The following AKAIN1 variants were observed in gnomAD, a reference collection of about 807,000 sequenced individuals.
The protein encoded by AKAIN1 is A-kinase anchor inhibitor 1.
AKAIN1 carries 3 observed loss-of-function variants against 3.7 expected under a neutral mutation model. That is an observed-to-expected ratio of 0.82 (90% confidence interval 0.37 to 2.12). The LOEUF is 2.12. Ranked by LOEUF, AKAIN1 falls within the 30% of genes most tolerant of loss-of-function variation. The probability of loss-of-function intolerance (pLI) is 0.06; values close to 1 mark genes in which losing one functional copy is unlikely to be tolerated. For synonymous variants in AKAIN1, 31 were observed against 30.8 expected (o/e 1.01, Z -0.02); for missense variants, 82 against 82.7 (o/e 0.99, Z 0.03).
chr18:5,174,655 C>T (rs891438430), intron 1 of AKAIN1, among the ~76,000 whole-genome samples: 1 of 152,020 alleles, frequency 6.6e-6, no homozygotes, highest in South Asian at 2.1e-4. Flanking sequence ...GCACGAGAAT[C>T]GCTTAAAGCC....
intron 1 of AKAIN1, among the ~76,000 whole-genome samples, chr18:5,180,647 C>T (rs766874208): frequency 6.6e-6 from 1 of 152,102 alleles, no homozygotes; most frequent in Non-Finnish European, 1.5e-5. Flanking sequence ...AAGCATGAGT[C>T]GGATTGCAAT....
chr18:5,149,308 C>T (rs1231584491), intron 1 of AKAIN1, among the ~76,000 whole-genome samples: 2 of 152,124 alleles, frequency 1.3e-5, no homozygotes, highest in Non-Finnish European at 2.9e-5. Context: ...AAAAGCTGCA[C>T]AAAGCACACA....
At chr18:5,189,014 A>G (rs1465876848) in intron 1 of AKAIN1, among the ~76,000 whole-genome samples, 1 of 152,188 alleles carries the variant, frequency 6.6e-6, no homozygotes, top group Non-Finnish European at 1.5e-5. Context: ...AGCTTCATGT[A>G]GATGCCACCA....
rs2071032691 is a variant in AKAIN1, at chr18:5,143,579, A to G, written c.*1983T>C. Among the ~76,000 whole-genome samples the G allele has an allele frequency of 6.6e-6, 1 of 152,210 alleles. No individual in the cohort carries two copies. The highest frequency in any genetic ancestry group is 2.1e-4 in the South Asian group (1 of 4,830). ...AGCACTTCCCCTGGTCATGATATCT[A>G]GGGGTTTGAAAATAGCCTTGGAAGT... On this transcript the variant is annotated 3_prime_UTR_variant, in exon 2 of 2. Transcript: ENST00000434239.
chr18:5,156,631 A>G (rs1046454364), intron 1 of AKAIN1, among the ~76,000 whole-genome samples: 3 of 152,264 alleles, frequency 2.0e-5, no homozygotes, highest in Non-Finnish European at 4.4e-5. Flanking sequence ...TAATGCTTTT[A>G]GATGATTAAT....
chr18:5,190,035 G>A (rs2071310361), intron 1 of AKAIN1, among the ~76,000 whole-genome samples: 1 of 152,140 alleles, frequency 6.6e-6, no homozygotes, highest in African/African-American at 2.4e-5. Context: ...ATGCCAGGAA[G>A]TCCAAGAGTA....
chr18:5,149,939 C>G (rs2071071140), intron 1 of AKAIN1, among the ~76,000 whole-genome samples: 1 of 152,178 alleles, frequency 6.6e-6, no homozygotes, highest in Admixed American at 6.5e-5. Flanking sequence ...CTCAGACTCC[C>G]AAGTACCTGG....
At chr18:5,146,268 C>T (rs981125857) in intron 1 of AKAIN1, among the ~76,000 whole-genome samples, 1 of 152,098 alleles carries the variant, frequency 6.6e-6, no homozygotes, top group African/African-American at 2.4e-5. Context: ...AGACATTAAA[C>T]GCCTTCAGGT....
At chr18:5,196,577 C>A (rs1453786958) in intron 1 of AKAIN1, among the ~76,000 whole-genome samples, 1 of 152,246 alleles carries the variant, frequency 6.6e-6, no homozygotes, top group Non-Finnish European at 1.5e-5. Context: ...TCGCCCACTT[C>A]GCCTCCTTCT....
rs138717602 is a variant in AKAIN1, at chr18:5,145,755, C to G, written c.17G>C (p.Gly6Ala). The change falls in exon 2 of 2, where the codon GGT becomes GCT. Residue 6 changes from glycine (G) to alanine (A), a missense_variant and splice_region_variant. Transcript: ENST00000434239. ...TTCAGGCTCATTTCCAGGTTTCTCA[C>G]CTAGCCAAAAACATGAAAAGGAGGG... MVFAPGEKPGNEPEEV... is the reference protein window; with the variant it reads MVFAPAEKPGNEPEEV... 2 of 1,547,818 alleles carry G rather than the reference C, an allele frequency of 1.3e-6. No homozygotes were observed. Among genetic ancestry groups the G allele is most frequent in the African/African-American group, 2.7e-5 (2 of 73,042 alleles).
At chr18:5,159,189 G>C (rs2071125260) in intron 1 of AKAIN1, 1 of 151,036 alleles carries the variant, frequency 6.6e-6, no homozygotes, top group African/African-American at 2.4e-5. Flanking sequence ...TTTTTTTCCA[G>C]TGATATTTCA....
intron 1 of AKAIN1, among the ~76,000 whole-genome samples, chr18:5,166,152 A>C (rs990202753): frequency 3.3e-5 from 5 of 152,010 alleles, no homozygotes; most frequent in Non-Finnish European, 5.9e-5. Context: ...AGGTCTCCCA[A>C]ATTACATGTA....
rs749801798 is a variant in AKAIN1 at position 5,186,469 on chromosome 18, T to C, written c.16+10569A>G. Among the ~76,000 whole-genome samples, 2 of 152,048 alleles carry C rather than the reference T, an allele frequency of 1.3e-5. 1 individual carries two copies. Among genetic ancestry groups the C allele is most frequent in the African/African-American group, 4.8e-5 (2 of 41,404 alleles). On this transcript the variant is annotated intron_variant, in intron 1 of 1. Coordinates refer to ENST00000434239, the MANE Select transcript of AKAIN1 (RefSeq NM_001145194.2). ...AGAGGGACACTCTCTAACAATAAAA[T>C]GGCCAATTCACCAAGAAGACATAAC...
At chr18:5,156,159 G>T (rs2071106938) in intron 1 of AKAIN1, among the ~76,000 whole-genome samples, 1 of 152,112 alleles carries the variant, frequency 6.6e-6, no homozygotes, top group Non-Finnish European at 1.5e-5. Context: ...CAGTTCCCGG[G>T]CATGGTGAGG....
chr18:5,176,735 G>C (rs180831899), intron 1 of AKAIN1, among the ~76,000 whole-genome samples: 1 of 152,152 alleles, frequency 6.6e-6, no homozygotes, highest in Admixed American at 6.6e-5. Flanking sequence ...AAAAACTGTA[G>C]GTGTTTCTCA....
chr18:5,169,653 T>C (rs2071186433), intron 1 of AKAIN1, among the ~76,000 whole-genome samples: 1 of 152,150 alleles, frequency 6.6e-6, no homozygotes, highest in South Asian at 2.1e-4. Context: ...GCAGCCTCAG[T>C]CTCCTCTGAG....
intron 1 of AKAIN1, among the ~76,000 whole-genome samples, chr18:5,171,190 ACAAAGAAAGTCC>A (rs1416186949): frequency 1.3e-5 from 2 of 152,188 alleles, no homozygotes; most frequent in African/African-American, 2.4e-5. Flanking sequence ...GGAAACTGAG[ACAAAGAAAGTCC>A]ACAGGCTGAA....
chr18:5,163,720 A>C (rs1202144381), intron 1 of AKAIN1: 1 of 152,082 alleles, frequency 6.6e-6, no homozygotes, highest in Admixed American at 6.6e-5. Flanking sequence ...TGGAGTTAAT[A>C]GGACTGAATT....
intron 1 of AKAIN1, among the ~76,000 whole-genome samples, chr18:5,192,422 TTTCTTTCTTTCTTTCTTTC>T (rs1357173356): frequency 3.3e-5 from 4 of 122,954 alleles, no homozygotes; most frequent in South Asian, 5.6e-4. Context: ...TCTTTCTTTC[TTTCTTTCTTTCTTTCTTTC>T]TTTCTTTTTC....
Sources: allele counts gnomAD v4.1 joint callset (sites outside exome capture counted in the v4.1 genomes callset), GRCh38; gene constraint gnomAD v4.1.1; transcripts MANE v1.5; gene names NCBI Gene and HGNC (gene_info 2026-07-23, HGNC 2026-07-21).